Variants in PTPRA observed in about 807,000 individuals in gnomAD.
PTPRA encodes the protein protein tyrosine phosphatase receptor type A, also known as receptor-type tyrosine-protein phosphatase alpha.
In PTPRA, 25 loss-of-function variants were observed where a neutral mutation model predicts 104.8. The observed-to-expected ratio is 0.24, with a 90% CI of 0.17 to 0.33. The LOEUF (loss-of-function observed/expected upper bound fraction) is 0.33. Ranked by LOEUF, PTPRA falls within the 10% of genes least tolerant of loss-of-function variation. The probability of loss-of-function intolerance (pLI) is 1.00; values close to 1 mark genes in which losing one functional copy is unlikely to be tolerated. For synonymous variants in PTPRA, 323 were observed against 368.9 expected (o/e 0.88, Z 1.43); for missense variants, 765 against 1,015.3 (o/e 0.75, Z 3.35).
At chr20:3,018,640 G>A (rs566688268) in intron 13 of PTPRA, among the ~76,000 whole-genome samples, 25 of 151,770 alleles carry the variant, frequency 1.6e-4, no homozygotes, top group South Asian at 4.2e-4. Flanking sequence ...ACACAGACAC[G>A]GCAACCATCC....
In PTPRA at chr20:2,948,056, C is replaced by T. The variant is rs867539712; in HGVS notation, c.-7+32C>T. ...ACTGAAATAGTTTTTTAAGTTTTTTCTACAAGAATAGAGGAAGAAAGGAAA... is the reference window on the plus strand; with the variant it reads ...ACTGAAATAGTTTTTTAAGTTTTTTTTACAAGAATAGAGGAAGAAAGGAAA... On this transcript the variant is annotated intron_variant, in intron 3 of 23. Transcript: ENST00000399903. 11 of 990,788 alleles carry T rather than the reference C, an allele frequency of 1.1e-5. No homozygotes were observed. In the African/African-American group the frequency reaches 1.9e-4, roughly 17 times the overall value. 61.4% of individuals were successfully genotyped at this position (990,788 alleles called of 1,614,324 possible). A position where few individuals can be genotyped will look rare whatever the true frequency, so the allele number is the denominator to read the frequency against.
chr20:3,037,990 C>A lies in PTPRA; in HGVS notation c.2335-69C>A. On this transcript the variant is annotated intron_variant, in intron 23 of 23. Coordinates refer to ENST00000399903, the MANE Select transcript of PTPRA (RefSeq NM_001385305.1). The surrounding 1 kb of genome is among the most constrained non-coding windows in gnomAD (Gnocchi z 4.3). Reference sequence around the variant, plus strand: ...TTCCATCTTCAACAAAAAAATGAGTCTGTTAGGAATTACAGGTACTGTGTG... The same window carrying A: ...TTCCATCTTCAACAAAAAAATGAGTATGTTAGGAATTACAGGTACTGTGTG... 1.5e-6 allele frequency: 2 copies of A among 1,305,056 alleles called. No individual in the cohort carries two copies. Among genetic ancestry groups the A allele is most frequent in the Non-Finnish European group, 2.2e-6 (2 of 917,240 alleles). 80.8% of individuals were successfully genotyped at this position (1,305,056 alleles called of 1,614,324 possible).
rs779177273 is a variant in PTPRA, at chr20:3,021,289, G to C, written c.1042-20G>C. The C allele has an allele frequency of 6.2e-7, 1 of 1,613,616 alleles. No homozygotes were observed. The highest frequency in any genetic ancestry group is 1.7e-5 in the Admixed American group (1 of 60,002). The stretch of plus-strand genomic sequence containing the variant: ...GGCAGGAGGTCTAAGGTCAGGGAAT[G>C]TATGTCTTTTTCTTTCCAGTGCAAG... On this transcript the variant is annotated intron_variant, in intron 13 of 23. Coordinates refer to ENST00000399903, the MANE Select transcript of PTPRA (RefSeq NM_001385305.1).
chr20:2,918,435 C>T (rs1044171509), intron 1 of PTPRA, among the ~76,000 whole-genome samples: 2 of 152,196 alleles, frequency 1.3e-5, no homozygotes, highest in Non-Finnish European at 2.9e-5. Context: ...TGGTGAGCAG[C>T]AAGACCAGTG....
chr20:2,889,930 C>G (rs2058731271), intron 1 of PTPRA, among the ~76,000 whole-genome samples: 2 of 152,084 alleles, frequency 1.3e-5, no homozygotes, highest in Admixed American at 6.6e-5. Context: ...GTTGCCCATG[C>G]TGGTGTGCAG....
intron 20 of PTPRA, among the ~76,000 whole-genome samples, chr20:3,030,774 CTCCAGGGT>C: frequency 6.7e-6 from 1 of 149,694 alleles, no homozygotes; most frequent in East Asian, 2.0e-4. Context: ...CAACCTCCAC[CTCCAGGGT>C]TCAAGTGATT....
intron 9 of PTPRA, among the ~76,000 whole-genome samples, chr20:3,002,006 G>C (rs755997606): frequency 5.9e-5 from 9 of 152,066 alleles, no homozygotes; most frequent in Non-Finnish European, 1.0e-4. Flanking sequence ...AGGCATGGTG[G>C]TGCTGTGCCT....
intron 1 of PTPRA, among the ~76,000 whole-genome samples, chr20:2,913,051 C>G (rs2059781250): frequency 6.6e-6 from 1 of 151,892 alleles, no homozygotes. Flanking sequence ...AGAGTGAGCC[C>G]CATCAGCCCC....
At chr20:3,004,975 AG>A in intron 9 of PTPRA, 80 bp from the exon 10 acceptor site, 1 of 1,235,048 alleles carries the variant, frequency 8.1e-7, no homozygotes, top group Non-Finnish European at 1.2e-6. Context: ...ACATGCTACC[AG>A]GTCAGGGTTT....
upstream of PTPRA, among the ~76,000 whole-genome samples, chr20:2,868,494 G>A (rs1416033029): frequency 2.6e-5 from 4 of 151,066 alleles, no homozygotes; most frequent in Non-Finnish European, 5.9e-5. Flanking sequence ...GAGTAGCAAA[G>A]TTCTGGAAAT....
chr20:2,869,925 A>G (rs1320587211), upstream of PTPRA, among the ~76,000 whole-genome samples: 3 of 151,736 alleles, frequency 2.0e-5, no homozygotes, highest in Non-Finnish European at 4.4e-5. Flanking sequence ...CAGTGAGCTG[A>G]AATGGCGCCA....
intron 2 of PTPRA, among the ~76,000 whole-genome samples, chr20:2,942,747 A>G (rs542979517): frequency 1.1e-4 from 16 of 150,906 alleles, no homozygotes; most frequent in Admixed American, 9.3e-4. Flanking sequence ...TATAATTAAT[A>G]TATAATGTGG....
At chr20:2,955,083 G>A (rs1019328271) in intron 3 of PTPRA, among the ~76,000 whole-genome samples, 3 of 152,156 alleles carry the variant, frequency 2.0e-5, no homozygotes, top group Admixed American at 6.5e-5. Flanking sequence ...TAGCTATATA[G>A]TAAGCCTTAA....
chr20:2,864,315 G>A, the PTPRA span: 1 of 1,614,004 alleles, frequency 6.2e-7, no homozygotes, highest in Non-Finnish European at 8.5e-7. This position sits in a 1 kb window ranked among gnomAD's most constrained non-coding sequence, Gnocchi z 5.2. Flanking sequence ...GGGCCCCTGG[G>A]CTAAGTGGGA....
chr20:3,005,218 A>G lies in PTPRA; in HGVS notation c.829+72A>G, dbSNP rs1456085891. On this transcript the variant is annotated intron_variant, in intron 10 of 23. Coordinates refer to ENST00000399903, the MANE Select transcript of PTPRA (RefSeq NM_001385305.1). ...CTGGAGGGATTTTCTGAAGATGGAA[A>G]GAATCTTGCAATTGGGCACAGCAGG... The G allele has an allele frequency of 2.1e-6, 3 of 1,432,646 alleles. No individual in the cohort carries two copies. The South Asian group carries it at 3.5e-5, about 17-fold the overall frequency. The allele number at this position is 1,432,646 out of a possible 1,614,324, so 88.7% of individuals were successfully genotyped here.
chr20:2,905,715 G>A (rs1315064652), intron 1 of PTPRA, among the ~76,000 whole-genome samples: 2 of 37,552 alleles, frequency 5.3e-5, no homozygotes, highest in African/African-American at 1.9e-4. Context: ...TTTTTTTTTT[G>A]CTCTTGTTTC....
chr20:2,989,409 G>A (rs2063052675), intron 9 of PTPRA, among the ~76,000 whole-genome samples: 1 of 152,144 alleles, frequency 6.6e-6, no homozygotes, highest in African/African-American at 2.4e-5. Flanking sequence ...CTCTGACCTG[G>A]CGACAGAGCG....
Position 3,035,704 on chromosome 20 carries a change from C to T in PTPRA, c.2040C>T (p.Asn680=). 1 of 1,614,210 alleles carries T rather than the reference C, an allele frequency of 6.2e-7. No individual in the cohort carries two copies. The highest frequency in any genetic ancestry group is 8.5e-7 in the Non-Finnish European group (1 of 1,180,028). ...SYTVRDLLVT[N]TRENKSRQIR... ...CCGTCCGAGACCTCCTGGTCACCAA[C>T]ACCAGGGTAAGATGGGTCGTGGGTG... The change falls in exon 21 of 24, where the codon AAC becomes AAT. Residue 680 remains asparagine (N), a synonymous_variant. Coordinates refer to ENST00000399903, the MANE Select transcript of PTPRA (RefSeq NM_001385305.1). This position sits in a 1 kb window ranked among gnomAD's most constrained non-coding sequence, Gnocchi z 5.8.
chr20:3,024,692 C>T (rs2065046569), intron 17 of PTPRA, 71 bp downstream of exon 17: 2 of 1,569,680 alleles, frequency 1.3e-6, no homozygotes, highest in South Asian at 1.1e-5. Flanking sequence ...GGATGCCTGA[C>T]TGTGCATTTG....
Sources: allele counts gnomAD v4.1 joint callset (sites outside exome capture counted in the v4.1 genomes callset), GRCh38; gene constraint gnomAD v4.1.1; non-coding constraint Gnocchi (gnomAD v3.1); transcripts MANE v1.5; gene names NCBI Gene and HGNC (gene_info 2026-07-23, HGNC 2026-07-21).